Variants in IMPA1 observed in about 807,000 individuals in gnomAD.
IMPA1 encodes D-galactose 1-phosphate phosphatase.
IMPA1 carries 21 observed loss-of-function variants against 34.9 expected under a neutral mutation model. That is an observed-to-expected ratio of 0.60 (90% CI 0.43 to 0.87). IMPA1 has a LOEUF of 0.87. IMPA1 is among the 40% of genes least tolerant of loss of function. The pLI is 0.00. For missense variants in IMPA1, 299 were observed against 336.4 expected, an observed-to-expected ratio of 0.89 and a Z score of 0.87; for synonymous variants, 95 against 104.4, an observed-to-expected ratio of 0.91 and a Z score of 0.55.
intron 7 of IMPA1, among the ~76,000 whole-genome samples, chr8:81,666,062 G>C (rs1806810622): frequency 1.3e-5 from 2 of 152,146 alleles, no homozygotes; most frequent in Admixed American, 1.3e-4. Flanking sequence ...GCGGGGTCAT[G>C]GGTTGAAGAA....
intron 8 of IMPA1, among the ~76,000 whole-genome samples, chr8:81,660,297 A>G (rs1354286088): frequency 3.3e-5 from 5 of 152,202 alleles, no homozygotes; most frequent in Admixed American, 3.3e-4. Context: ...CTCACACTAG[A>G]AAAGGATTAG....
At chr8:81,679,854 G>C (rs1312470402) in intron 3 of IMPA1, among the ~76,000 whole-genome samples, 1 of 151,946 alleles carries the variant, frequency 6.6e-6, no homozygotes, top group Non-Finnish European at 1.5e-5. Context: ...TTAAAAATAG[G>C]GGCCAGGTGT....
At chr8:81,684,873 G>A (rs1351389484) in intron 1 of IMPA1, among the ~76,000 whole-genome samples, 1 of 132,232 alleles carries the variant, frequency 7.6e-6, no homozygotes, top group African/African-American at 2.9e-5. Flanking sequence ...AGTATATTTA[G>A]ATACTATGTA....
chr8:81,660,356 T>G (rs781665775), intron 8 of IMPA1, among the ~76,000 whole-genome samples, 160 bp downstream of exon 8: 7 of 152,200 alleles, frequency 4.6e-5, no homozygotes, highest in Non-Finnish European at 8.8e-5. Flanking sequence ...TATCCTTACC[T>G]CTATCTCCTA....
chr8:81,663,722 A>G (rs1361203170), intron 7 of IMPA1, among the ~76,000 whole-genome samples: 3 of 152,336 alleles, frequency 2.0e-5, no homozygotes, highest in Admixed American at 2.0e-4. Flanking sequence ...ATGATTTTTC[A>G]TATAAACAAC....
intron 7 of IMPA1, among the ~76,000 whole-genome samples, chr8:81,670,074 T>C (rs1317673550): frequency 3.3e-5 from 5 of 152,298 alleles, no homozygotes; most frequent in East Asian, 1.9e-4. Flanking sequence ...TGAGCCTCTA[T>C]AACTGAAAGA....
intron 7 of IMPA1, among the ~76,000 whole-genome samples, chr8:81,666,145 GGGA>G (rs1464672012): frequency 6.6e-6 from 1 of 152,178 alleles, no homozygotes; most frequent in Non-Finnish European, 1.5e-5. Context: ...GAGAGAAAAG[GGGA>G]ATGGGAGACT....
rs1262464961 is a variant in IMPA1 at position 81,657,324 on chromosome 8, C to T, written c.*2027G>A. Among the ~76,000 whole-genome samples, 3 of 152,192 alleles carry T rather than the reference C, an allele frequency of 2.0e-5. No individual in the cohort carries two copies. The highest frequency in any genetic ancestry group is 4.4e-5 in the Non-Finnish European group (3 of 68,042). Reference sequence around the variant, plus strand: ...AAAGTATGTTGGGTGCAATGGCTCACATCTGTAATCCCAGCACTTTAGAAG... The same window carrying T: ...AAAGTATGTTGGGTGCAATGGCTCATATCTGTAATCCCAGCACTTTAGAAG... On this transcript the variant is annotated 3_prime_UTR_variant, in exon 9 of 9. Coordinates refer to ENST00000256108, the MANE Select transcript of IMPA1 (RefSeq NM_005536.4).
chr8:81,685,923 A>C, intron 1 of IMPA1: 3 of 1,542,362 alleles, frequency 1.9e-6, no homozygotes, highest in Non-Finnish European at 1.8e-6. Flanking sequence ...CATCACTTAG[A>C]GTGACTACCT....
In IMPA1 at chr8:81,657,627, T is replaced by A. The variant is rs140027945; in HGVS notation, c.*1724A>T. ...AGCCTCTAAAAGTAGTTTGAACTAT[T>A]AACTTTAATAATGTAAATATCATGG... On this transcript the variant is annotated 3_prime_UTR_variant, in exon 9 of 9. Transcript: ENST00000256108. Among the ~76,000 whole-genome samples, 1 of 152,188 alleles carries A rather than the reference T, an allele frequency of 6.6e-6. No individual in the cohort carries two copies. The highest frequency in any genetic ancestry group is 1.9e-4 in the East Asian group (1 of 5,168).
chr8:81,667,639 G>A (rs755954455), intron 7 of IMPA1, among the ~76,000 whole-genome samples: 1 of 152,098 alleles, frequency 6.6e-6, no homozygotes, highest in Non-Finnish European at 1.5e-5. Context: ...CAAGGCCAGG[G>A]AAAGTTTGGA....
intron 7 of IMPA1, among the ~76,000 whole-genome samples, chr8:81,669,221 C>A (rs1363966267): frequency 1.3e-5 from 2 of 152,056 alleles, no homozygotes; most frequent in African/African-American, 4.8e-5. Context: ...ACAGAGAGTC[C>A]CCACTAGGGT....
intron 1 of IMPA1, among the ~76,000 whole-genome samples, chr8:81,683,554 C>A (rs1334179027): frequency 6.6e-6 from 1 of 152,006 alleles, no homozygotes; most frequent in African/African-American, 2.4e-5. Context: ...TATGGATAAC[C>A]GTCACAGTCT....
chr8:81,657,489 G>C lies in IMPA1; in HGVS notation c.*1862C>G, dbSNP rs541221047. 1.2e-4 allele frequency among the ~76,000 whole-genome samples: 19 copies of C among 152,310 alleles called. No homozygotes were observed. The highest frequency in any genetic ancestry group is 4.3e-4 in the African/African-American group (18 of 41,574). Reference sequence around the variant, plus strand: ...CCAGTTACTAGGGAGGCTGAGGTGGGAGGACTGCTTGAGCCCAGAAGGTTG... The same window carrying C: ...CCAGTTACTAGGGAGGCTGAGGTGGCAGGACTGCTTGAGCCCAGAAGGTTG... On this transcript the variant is annotated 3_prime_UTR_variant, in exon 9 of 9. Coordinates refer to ENST00000256108, the MANE Select transcript of IMPA1 (RefSeq NM_005536.4).
chr8:81,668,406 G>A (rs1398686018), intron 7 of IMPA1, among the ~76,000 whole-genome samples: 1 of 151,962 alleles, frequency 6.6e-6, no homozygotes, highest in Non-Finnish European at 1.5e-5. Context: ...GCTGCACGGC[G>A]AACCCCATTT....
At chr8:81,684,136 C>CAT (rs1353167220) in intron 1 of IMPA1, among the ~76,000 whole-genome samples, 1 of 116,738 alleles carries the variant, frequency 8.6e-6, no homozygotes, top group Admixed American at 8.1e-5. Context: ...CACATACACA[C>CAT]ATACACACAC....
chr8:81,685,743 A>T (rs780275084), intron 1 of IMPA1: 194 of 1,468,014 alleles, frequency 1.3e-4, no homozygotes, highest in Non-Finnish European at 1.6e-4. Context: ...ATTGATGGGC[A>T]GGGTCCGTAG....
chr8:81,679,007 T>TAAAAAAAAAAAAAAAAAAAAAAAAAAA, intron 4 of IMPA1, 119 bp downstream of exon 4: 1 of 625,224 alleles, frequency 1.6e-6, no homozygotes, highest in African/African-American at 1.8e-5. Context: ...TTTATTAGAA[T>TAAAAAAAAAAAAAAAAAAAAAAAAAAA]AAAGAAGCAT....
At chr8:81,678,265 G>A (rs1191037757) in intron 4 of IMPA1, among the ~76,000 whole-genome samples, 10 of 151,470 alleles carry the variant, frequency 6.6e-5, no homozygotes, top group East Asian at 3.9e-4. Flanking sequence ...CTTTTTAACC[G>A]TGTTTTTTCT....
Sources: allele counts gnomAD v4.1 joint callset (sites outside exome capture counted in the v4.1 genomes callset), GRCh38; gene constraint gnomAD v4.1.1; transcripts MANE v1.5; gene names NCBI Gene and HGNC (gene_info 2026-07-23, HGNC 2026-07-21).